Variants in CDK13 observed in about 807,000 individuals in gnomAD.
The protein encoded by CDK13 is cyclin-dependent kinase 13.
A neutral mutation model predicts 137.6 loss-of-function variants in CDK13; 40 were observed. The observed-to-expected ratio is 0.29, with a 90% confidence interval of 0.23 to 0.38. The LOEUF is 0.38. Among genes scored for constraint, CDK13 ranks in the 10% least tolerant of loss-of-function variants. The pLI, the probability that CDK13 is intolerant of heterozygous loss-of-function variation, is 1.00. For missense variants in CDK13, 1,704 were observed against 1,951.8 expected (o/e 0.87, Z 2.39); for synonymous variants, 869 against 760.1 (o/e 1.14, Z -2.36).
At chr7:40,077,881 A>G (rs1323963456) in intron 9 of CDK13, 124 bp from the exon 10 acceptor site, 3 of 525,802 alleles carry the variant, frequency 5.7e-6, no homozygotes, top group East Asian at 6.2e-5. Flanking sequence ...TAAAATAACA[A>G]AAGTTTTTAT....
At chr7:39,989,914 GT>G (rs2116277556) in intron 2 of CDK13, among the ~76,000 whole-genome samples, 1 of 148,396 alleles carries the variant, frequency 6.7e-6, no homozygotes, top group Admixed American at 6.9e-5. Flanking sequence ...TCCCGAGTAG[GT>G]GGGACTACAG....
chr7:40,030,422 ATTTTTTTTT>A (rs34922492), intron 5 of CDK13, among the ~76,000 whole-genome samples: 42 of 66,012 alleles, frequency 6.4e-4, no homozygotes, highest in African/African-American at 1.6e-3. Flanking sequence ...GCAACCACTG[ATTTTTTTTT>A]TTTTTTTTTT....
At chr7:39,959,411 T>A (rs13241453) in intron 1 of CDK13, among the ~76,000 whole-genome samples, 1 of 151,772 alleles carries the variant, frequency 6.6e-6, no homozygotes, top group South Asian at 2.1e-4. Context: ...TCCACCCGCT[T>A]CAGCCTCCCA....
chr7:40,093,308 TA>T, intron 13 of CDK13, 71 bp downstream of exon 13: 1 of 1,215,770 alleles, frequency 8.2e-7, no homozygotes, highest in African/African-American at 1.5e-5. Context: ...TGACTATATA[TA>T]ATGTGTATAG....
intron 11 of CDK13, among the ~76,000 whole-genome samples, chr7:40,086,760 T>C (rs1032499858): frequency 7.9e-5 from 12 of 151,852 alleles, no homozygotes; most frequent in African/African-American, 2.7e-4. Context: ...TAGTAAAAAG[T>C]AAGCTTTTAC....
intron 5 of CDK13, among the ~76,000 whole-genome samples, chr7:40,005,276 ATTAT>A (rs1449643402): frequency 7.4e-6 from 1 of 135,496 alleles, no homozygotes; most frequent in Non-Finnish European, 1.5e-5. Flanking sequence ...ATTTCAATTA[ATTAT>A]TTAAAGTGAA....
intron 5 of CDK13, among the ~76,000 whole-genome samples, chr7:40,019,235 A>C (rs2116391779): frequency 6.6e-6 from 1 of 152,304 alleles, no homozygotes; most frequent in East Asian, 1.9e-4. Context: ...ACCTATGTGA[A>C]AACTATTTAA....
At chr7:40,024,953 C>T (rs755602131) in intron 5 of CDK13, among the ~76,000 whole-genome samples, 1 of 152,024 alleles carries the variant, frequency 6.6e-6, no homozygotes, top group Non-Finnish European at 1.5e-5. Context: ...TGTGAGCCAC[C>T]GCACCCAGCT....
In CDK13 at chr7:40,092,895, A is replaced by T; in HGVS notation, c.3346A>T (p.Ile1116Phe). 6.2e-7 allele frequency: 1 copy of T among 1,614,226 alleles called. No individual in the cohort carries two copies. Among genetic ancestry groups the T allele is most frequent in the Admixed American group, 1.7e-5 (1 of 60,030 alleles). ...NMADFVQVLN[I>F]KVNSETQQQL... ...GGCTGATTTTGTCCAAGTGTTGAAC[A>T]TTAAGGTAAACTCTGAGACTCAACA... The change falls in exon 13 of 14, where the codon ATT becomes TTT. Residue 1116 changes from isoleucine (I) to phenylalanine (F), a missense_variant. Physicochemically the swap from Ile to Phe is conservative, Grantham distance 21. Coordinates refer to ENST00000181839, the MANE Select transcript of CDK13 (RefSeq NM_003718.5).
rs1787099392 is a variant in CDK13, at chr7:40,099,356, T to C, written c.*4376T>C. 3.9e-5 allele frequency: 6 copies of C among 152,174 alleles called. No homozygotes were observed. In the South Asian group the frequency reaches 1.2e-3, roughly 31 times the overall value. The allele number at this position is 152,174 out of a possible 1,614,324, so 9.4% of individuals were successfully genotyped here. On this transcript the variant is annotated 3_prime_UTR_variant, in exon 14 of 14. Coordinates refer to ENST00000181839, the MANE Select transcript of CDK13 (RefSeq NM_003718.5). ...TGTCAAATGTGCAATTAAAAATGAATTTTCTAATTGTATTCAAATGAGGCT... is the reference window on the plus strand; with the variant it reads ...TGTCAAATGTGCAATTAAAAATGAACTTTCTAATTGTATTCAAATGAGGCT...
chr7:39,972,947 A>C (rs760117611), intron 1 of CDK13, among the ~76,000 whole-genome samples: 1 of 152,182 alleles, frequency 6.6e-6, no homozygotes, highest in Non-Finnish European at 1.5e-5. Flanking sequence ...GTTTCTTCAC[A>C]TCCTCAACAA....
At chr7:40,082,017 G>T (rs763056835) in intron 11 of CDK13, among the ~76,000 whole-genome samples, 11 of 152,156 alleles carry the variant, frequency 7.2e-5, no homozygotes, top group Non-Finnish European at 1.2e-4. Context: ...TTGCATATCT[G>T]TTGATTAATA....
Position 40,027,506 on chromosome 7 carries a change from A to G in CDK13, c.2354-18330A>G, listed in dbSNP as rs764112735. Among the ~76,000 whole-genome samples, 100 of 152,314 alleles carry G rather than the reference A, an allele frequency of 6.6e-4. 1 individual carries two copies. Among genetic ancestry groups the G allele is most frequent in the Non-Finnish European group, 1.2e-3 (80 of 68,032 alleles). On this transcript the variant is annotated intron_variant, in intron 5 of 13. Transcript: ENST00000181839. Reference sequence around the variant, plus strand: ...GGTCTAACCACATTTCAACTGTGCAATAGCCACATGTTAAGACTAAAGCCT... The same window carrying G: ...GGTCTAACCACATTTCAACTGTGCAGTAGCCACATGTTAAGACTAAAGCCT...
At chr7:39,996,058 C>T (rs1784554202) in intron 2 of CDK13, among the ~76,000 whole-genome samples, 1 of 152,092 alleles carries the variant, frequency 6.6e-6, no homozygotes, top group African/African-American at 2.4e-5. Context: ...CATGTTTTTT[C>T]TCTGTTAAAG....
chr7:39,986,625 A>T (rs188805193), intron 1 of CDK13: 1 of 152,224 alleles, frequency 6.6e-6, no homozygotes, highest in Admixed American at 6.5e-5. Flanking sequence ...ATAGTTGTCA[A>T]GTACTTTGAA....
chr7:39,991,955 G>A (rs940821801), intron 2 of CDK13, among the ~76,000 whole-genome samples: 5 of 152,048 alleles, frequency 3.3e-5, no homozygotes, highest in African/African-American at 1.2e-4. Context: ...GGGAGGCTGA[G>A]GTGGGAGCAT....
In CDK13 at chr7:40,006,686, G is replaced by T. The variant is rs147123581; in HGVS notation, c.2353+4655G>T. ...AATCCCAGCTACTATGGAGGCTGAG[G>T]CAGGAGAATCGCTTGAACCCGGGAG... is the stretch of plus-strand genomic sequence containing the variant. On this transcript the variant is annotated intron_variant, in intron 5 of 13. Coordinates refer to ENST00000181839, the MANE Select transcript of CDK13 (RefSeq NM_003718.5). Among the ~76,000 whole-genome samples the T allele has an allele frequency of 2.6e-4, 40 of 152,254 alleles. 2 individuals are homozygous for T. The East Asian group carries it at 7.3e-3, about 28-fold the overall frequency.
chr7:39,993,332 G>A (rs1300953488), intron 2 of CDK13, among the ~76,000 whole-genome samples: 1 of 152,002 alleles, frequency 6.6e-6, no homozygotes, highest in Non-Finnish European at 1.5e-5. Context: ...AATAGTAATA[G>A]CCACTACTCT....
At chr7:39,999,307 A>G in intron 3 of CDK13, 54 bp from the exon 4 acceptor site, 1 of 1,437,538 alleles carries the variant, frequency 7.0e-7, no homozygotes. Flanking sequence ...GTTATTAGAC[A>G]GTTTATTCAA....
Sources: gnomAD v4.1 joint callset for allele counts (sites outside exome capture counted in the v4.1 genomes callset) on GRCh38, gnomAD v4.1.1 for gene constraint, MANE v1.5 for transcripts, NCBI Gene and HGNC (gene_info 2026-07-23, HGNC 2026-07-21) for gene names.